The following MARCHF1 variants were observed in gnomAD, a reference collection of about 807,000 sequenced individuals.
MARCHF1 encodes the protein membrane associated ring-CH-type finger 1, also known as E3 ubiquitin-protein ligase MARCHF1.
MARCHF1 carries 40 observed loss-of-function variants against 54.2 expected under a neutral mutation model. The ratio of observed to expected loss-of-function variants is 0.74; its 90% CI spans 0.57 to 0.96. The LOEUF is 0.96. Ranked by LOEUF, MARCHF1 falls within the 40% of genes least tolerant of loss-of-function variation. The pLI, the probability that MARCHF1 is intolerant of heterozygous loss-of-function variation, is 0.00. For synonymous variants in MARCHF1, 236 were observed against 236.3 expected (o/e 1.00, Z 0.01); for missense variants, 586 against 656.5 (o/e 0.89, Z 1.17).
At chr4:163,995,084 C>T (rs1312540065) in intron 2 of MARCHF1, among the ~76,000 whole-genome samples, 8 of 151,970 alleles carry the variant, frequency 5.3e-5, no homozygotes, top group Non-Finnish European at 1.2e-4. Flanking sequence ...AGGTTCAGGG[C>T]TCAGTCTCAC....
At position 164,314,394 on chromosome 4, in the gene MARCHF1, G is replaced by A. The variant is rs1310479103; in HGVS notation, c.-323+69476C>T. ...TAGCTGCTCTCTCTTACCACCCAAG[G>A]TCCAATGTGAAGGGTTTCACTGTTA... is the stretch of plus-strand genomic sequence containing the variant. On this transcript the variant is annotated intron_variant, in intron 1 of 9. Coordinates refer to ENST00000514618, the MANE Select transcript of MARCHF1 (RefSeq NM_001394959.1). Among the ~76,000 whole-genome samples, 11 of 152,106 alleles carry A rather than the reference G, an allele frequency of 7.2e-5. 1 individual carries two copies. Among genetic ancestry groups the A allele is most frequent in the Admixed American group, 7.2e-4 (11 of 15,274 alleles).
At chr4:164,006,581 C>T (rs1470090214) in intron 2 of MARCHF1, among the ~76,000 whole-genome samples, 1 of 152,016 alleles carries the variant, frequency 6.6e-6, no homozygotes, top group Non-Finnish European at 1.5e-5. Flanking sequence ...CAACAAAAAA[C>T]TATCCAAAAA....
intron 1 of MARCHF1, among the ~76,000 whole-genome samples, chr4:164,349,871 A>C (rs1220991405): frequency 6.6e-6 from 1 of 152,222 alleles, no homozygotes; most frequent in Non-Finnish European, 1.5e-5. Flanking sequence ...GATTTCAAAC[A>C]TACAGAAGAC....
At chr4:163,677,561 T>C (rs1381472807) in intron 5 of MARCHF1, among the ~76,000 whole-genome samples, 1 of 152,230 alleles carries the variant, frequency 6.6e-6, no homozygotes, top group Non-Finnish European at 1.5e-5. Flanking sequence ...AGAAGTCTTG[T>C]CAATTCATGC....
At chr4:163,696,017 A>G (rs1396725426) in intron 5 of MARCHF1, among the ~76,000 whole-genome samples, 2 of 152,184 alleles carry the variant, frequency 1.3e-5, no homozygotes, top group African/African-American at 4.8e-5. Context: ...TAGTAAACCT[A>G]TATAACTTAT....
rs956868463 is a variant in MARCHF1 at position 164,144,634 on chromosome 4, A to G, written c.-322-32972T>C. Among the ~76,000 whole-genome samples the G allele has an allele frequency of 1.2e-3, 173 of 141,712 alleles. 4 individuals are homozygous for G. The highest frequency in any genetic ancestry group is 4.6e-3 in the African/African-American group (163 of 35,436). 93.0% of individuals were successfully genotyped at this position (141,712 alleles called of 152,430 possible). The stretch of plus-strand genomic sequence containing the variant: ...TTCTTTGAAACCAACGAGAACAAAG[A>G]CACAACATACCAGAATCTCTGGGAC... On this transcript the variant is annotated intron_variant, in intron 1 of 9. Coordinates refer to ENST00000514618, the MANE Select transcript of MARCHF1 (RefSeq NM_001394959.1).
intron 2 of MARCHF1, among the ~76,000 whole-genome samples, chr4:163,999,214 T>C (rs2110913564): frequency 6.6e-6 from 1 of 151,696 alleles, no homozygotes; most frequent in East Asian, 1.9e-4. Flanking sequence ...TTGTAGTTTA[T>C]AAATAGATAT....
intron 1 of MARCHF1, among the ~76,000 whole-genome samples, chr4:164,148,556 T>C (rs1729839373): frequency 6.6e-6 from 1 of 152,136 alleles, no homozygotes; most frequent in African/African-American, 2.4e-5. Flanking sequence ...GTGAGCACAG[T>C]TTCTTCTGTT....
chr4:164,357,179 A>G (rs1167023674), intron 1 of MARCHF1, among the ~76,000 whole-genome samples: 3 of 152,096 alleles, frequency 2.0e-5, no homozygotes, highest in Non-Finnish European at 4.4e-5. Flanking sequence ...TTATCTTACA[A>G]TTCTAGGGGT....
intron 4 of MARCHF1, among the ~76,000 whole-genome samples, chr4:163,756,845 A>T (rs1035085896): frequency 2.0e-5 from 3 of 152,094 alleles, no homozygotes; most frequent in African/African-American, 7.2e-5. Context: ...ATATTTTGTG[A>T]TATGTCTAAA....
In MARCHF1 at chr4:164,177,806, G is replaced by GAGAGACACAC. The variant is rs148681185; in HGVS notation, c.-322-66145_-322-66144insGTGTGTCTCT. ...TCAATCTCAGTGTGTGTATGAAAGAGACACACACACACACACACACACACA... is the reference window on the plus strand; with the variant it reads ...TCAATCTCAGTGTGTGTATGAAAGAGAGAGACACACACACACACACACACACACACACACA... On this transcript the variant is annotated intron_variant, in intron 1 of 9. Transcript: ENST00000514618. Among the ~76,000 whole-genome samples the GAGAGACACAC allele has an allele frequency of 1.1e-4, 16 of 149,202 alleles. No individual in the cohort carries two copies. In the East Asian group the frequency reaches 2.2e-3, roughly 21 times the overall value.
At chr4:163,610,508 C>T (rs1287112247) in intron 7 of MARCHF1, among the ~76,000 whole-genome samples, 2 of 152,000 alleles carry the variant, frequency 1.3e-5, no homozygotes, top group African/African-American at 2.4e-5. Context: ...ATTTTTCTCT[C>T]CAATTACCAT....
At chr4:164,272,057 T>C (rs1229916949) in intron 1 of MARCHF1, among the ~76,000 whole-genome samples, 1 of 151,748 alleles carries the variant, frequency 6.6e-6, no homozygotes, top group Non-Finnish European at 1.5e-5. Flanking sequence ...AGCAGATAAA[T>C]GCAAATTAAA....
intron 4 of MARCHF1, among the ~76,000 whole-genome samples, chr4:163,824,097 A>G (rs1256091755): frequency 6.6e-6 from 1 of 151,968 alleles, no homozygotes; most frequent in Non-Finnish European, 1.5e-5. Context: ...AAAATCATAT[A>G]AAAATGATCA....
intron 3 of MARCHF1, among the ~76,000 whole-genome samples, chr4:163,881,750 T>C (rs1212764513): frequency 6.7e-6 from 1 of 149,370 alleles, no homozygotes; most frequent in Non-Finnish European, 1.5e-5. Context: ...AACAGAAACA[T>C]ACCCTATGAA....
At chr4:163,747,772 G>T (rs1746404035) in intron 4 of MARCHF1, among the ~76,000 whole-genome samples, 1 of 152,158 alleles carries the variant, frequency 6.6e-6, no homozygotes, top group Non-Finnish European at 1.5e-5. Context: ...AATTTACAAA[G>T]AATACAGAAA....
intron 4 of MARCHF1, among the ~76,000 whole-genome samples, chr4:163,726,786 G>C (rs1745667368): frequency 6.6e-6 from 1 of 152,088 alleles, no homozygotes; most frequent in South Asian, 2.1e-4. Context: ...TTTTGGTTTT[G>C]TCCATTCTAA....
intron 4 of MARCHF1, among the ~76,000 whole-genome samples, chr4:163,794,031 C>A (rs972453365): frequency 2.6e-5 from 4 of 152,162 alleles, no homozygotes; most frequent in African/African-American, 9.7e-5. Flanking sequence ...ATTATATTTT[C>A]TTTCTAAGTA....
In MARCHF1 at chr4:163,854,120, C is replaced by G. The variant is rs1030228963; in HGVS notation, c.12G>C (p.Trp4Cys). MLG[W>C]CEAIARNPHR... Reference sequence around the variant, plus strand: ...GAGGGTTACGGGCTATCGCTTCACACCAGCCCAGCATTTTCTCCTTCCTCT... The same window carrying G: ...GAGGGTTACGGGCTATCGCTTCACAGCAGCCCAGCATTTTCTCCTTCCTCT... The change falls in exon 4 of 10, where the codon TGG becomes TGC. Residue 4 changes from tryptophan (W) to cysteine (C), a missense_variant. Transcript: ENST00000514618. 1 of 1,535,410 alleles carries G rather than the reference C, an allele frequency of 6.5e-7. No individual in the cohort carries two copies.
Sources: allele counts gnomAD v4.1 joint callset (sites outside exome capture counted in the v4.1 genomes callset), GRCh38; gene constraint gnomAD v4.1.1; transcripts MANE v1.5; gene names NCBI Gene and HGNC (gene_info 2026-07-23, HGNC 2026-07-21).